Variants in ZCCHC14 observed in about 807,000 individuals in gnomAD.
ZCCHC14 encodes the protein zinc finger CCHC domain-containing protein 14.
A neutral mutation model predicts 85.0 loss-of-function variants in ZCCHC14; 16 were observed. That is an observed-to-expected ratio of 0.19 (90% CI 0.13 to 0.29). ZCCHC14 has a LOEUF of 0.29. Ranked by LOEUF, ZCCHC14 falls within the 10% of genes least tolerant of loss-of-function variation. The pLI is 1.00. For missense variants in ZCCHC14, 1,303 were observed against 1,443.5 expected, an observed-to-expected ratio of 0.90 and a Z score of 1.58; for synonymous variants, 775 against 630.7, an observed-to-expected ratio of 1.23 and a Z score of -3.43.
chr16:87,474,996 G>A (rs1166611203), intron 1 of ZCCHC14, among the ~76,000 whole-genome samples: 2 of 152,172 alleles, frequency 1.3e-5, no homozygotes, highest in Non-Finnish European at 2.9e-5. Context: ...AGGATAGAAC[G>A]AAGTCCAGAG....
intron 2 of ZCCHC14, among the ~76,000 whole-genome samples, chr16:87,455,293 C>T (rs9932994): frequency 2.7e-5 from 4 of 150,516 alleles, no homozygotes; most frequent in African/African-American, 9.7e-5. Flanking sequence ...CGTCCCCCCC[C>T]GCCCCCGCAA....
chr16:87,414,229 G>A (rs1363701685), intron 10 of ZCCHC14, among the ~76,000 whole-genome samples, 185 bp downstream of exon 10: 2 of 150,648 alleles, frequency 1.3e-5, no homozygotes, highest in Non-Finnish European at 2.9e-5. Context: ...TAACCCACCT[G>A]CCCGGCACAC....
rs193217080 is a variant in ZCCHC14, at chr16:87,428,948, C to T, written c.768+4180G>A. ...CATAACACCAGGGTTGGCCTGTCCA[C>T]GCGCCTGTGAACGGGTGTCTTCGTT... On this transcript the variant is annotated intron_variant, in intron 3 of 12. Transcript: ENST00000671377. 1.2e-4 allele frequency among the ~76,000 whole-genome samples: 19 copies of T among 152,362 alleles called. No individual in the cohort carries two copies. In the South Asian group the frequency reaches 3.1e-3, roughly 25 times the overall value.
At chr16:87,454,791 G>A (rs898351406) in intron 2 of ZCCHC14, among the ~76,000 whole-genome samples, 2 of 152,218 alleles carry the variant, frequency 1.3e-5, no homozygotes, top group Admixed American at 1.3e-4. Context: ...ACATGGTGCA[G>A]AGCACACGTA....
intron 2 of ZCCHC14, among the ~76,000 whole-genome samples, chr16:87,456,194 C>T (rs1246564407): frequency 1.3e-5 from 2 of 152,086 alleles, no homozygotes; most frequent in Non-Finnish European, 2.9e-5. Flanking sequence ...ACTGGAATCC[C>T]AGCACAACCC....
At chr16:87,454,951 C>T (rs1290073300) in intron 2 of ZCCHC14, among the ~76,000 whole-genome samples, 2 of 152,180 alleles carry the variant, frequency 1.3e-5, no homozygotes, top group Admixed American at 6.5e-5. Flanking sequence ...CCACGGCTGA[C>T]GACATGCCAC....
Position 87,449,420 on chromosome 16 carries a change from G to A in ZCCHC14, c.694+10588C>T, listed in dbSNP as rs79178356. Reference sequence around the variant, plus strand: ...GGGCACCATGGTTCCTGGGCTCCTAGGCCCTCCATCCATGATCACGAGGGA... The same window carrying A: ...GGGCACCATGGTTCCTGGGCTCCTAAGCCCTCCATCCATGATCACGAGGGA... On this transcript the variant is annotated intron_variant, in intron 2 of 12. Transcript: ENST00000671377. Among the ~76,000 whole-genome samples, 896 of 152,078 alleles carry A rather than the reference G, an allele frequency of 5.9e-3. 8 individuals are homozygous for A. Among genetic ancestry groups the A allele is most frequent in the African/African-American group, 0.02 (847 of 41,414 alleles).
Position 87,411,904 on chromosome 16 carries a change from C to T in ZCCHC14, c.2817G>A (p.Leu939=). ...GGAAGTAGTTGGCGTAGCTGACAGT[C>T]AGGCCACTCGAGCCGCAGCTGCCGC... ...GCSGSCGSSG[L]TVSYANYFQH... Residue 939 remains leucine (L), a synonymous_variant, in exon 12 of 13, where the codon CTG becomes CTA. Coordinates refer to ENST00000671377, the MANE Select transcript of ZCCHC14 (RefSeq NM_015144.3). 1 of 1,592,702 alleles carries T rather than the reference C, an allele frequency of 6.3e-7. No homozygotes were observed. The highest frequency in any genetic ancestry group is 8.5e-7 in the Non-Finnish European group (1 of 1,171,320).
intron 2 of ZCCHC14, among the ~76,000 whole-genome samples, chr16:87,433,789 A>G (rs1909779874): frequency 6.6e-6 from 1 of 151,918 alleles, no homozygotes; most frequent in Admixed American, 6.6e-5. Flanking sequence ...TTACAGGCGC[A>G]TGCACCACCG....
rs1908883805 is a variant in ZCCHC14 at position 87,417,974 on chromosome 16, A to G, written c.1101-232T>C. ...TGCATGTCTGTGCACACGTGTGCAT[A>G]CAGGCGGCTGTGCATATACACACAC... On this transcript the variant is annotated intron_variant, in intron 7 of 12. Transcript: ENST00000671377. The G allele has an allele frequency of 1.5e-5, 8 of 542,350 alleles. No individual in the cohort carries two copies. In the South Asian group the frequency reaches 2.5e-4, roughly 17 times the overall value. 33.6% of individuals were successfully genotyped at this position (542,350 alleles called of 1,614,324 possible). A position where few individuals can be genotyped will look rare whatever the true frequency, so the allele number is the denominator to read the frequency against.
In ZCCHC14 at chr16:87,420,790, A is replaced by G; in HGVS notation, c.841-74T>C. 1 of 1,316,950 alleles carries G rather than the reference A, an allele frequency of 7.6e-7. No individual in the cohort carries two copies. Among genetic ancestry groups the G allele is most frequent in the East Asian group, 2.6e-5 (1 of 38,794 alleles). 81.6% of individuals were successfully genotyped at this position (1,316,950 alleles called of 1,614,324 possible). ...CCAGCAGAATTCTGCTACTGCAGGA[A>G]AACCTGGGGCAGGTGCTCCATGGTG... On this transcript the variant is annotated intron_variant, in intron 4 of 12. Coordinates refer to ENST00000671377, the MANE Select transcript of ZCCHC14 (RefSeq NM_015144.3). The surrounding 1 kb of genome is among the most constrained non-coding windows in gnomAD (Gnocchi z 5.0).
intron 3 of ZCCHC14, among the ~76,000 whole-genome samples, chr16:87,425,367 A>G (rs542550019): frequency 1.6e-4 from 24 of 152,258 alleles, no homozygotes; most frequent in Admixed American, 1.4e-3. Context: ...ACCTGAGGTC[A>G]GGAGTTCAAG....
chr16:87,456,409 A>T (rs1910963714), intron 2 of ZCCHC14, among the ~76,000 whole-genome samples: 1 of 151,888 alleles, frequency 6.6e-6, no homozygotes, highest in South Asian at 2.1e-4. Context: ...CGGCACCTGT[A>T]GCCCCAGCAG....
Position 87,491,510 on chromosome 16 carries a change from G to A in ZCCHC14, c.570+159C>T, listed in dbSNP as rs1445082946. Among the ~76,000 whole-genome samples the A allele has an allele frequency of 6.6e-6, 1 of 151,938 alleles. No individual in the cohort carries two copies. The highest frequency in any genetic ancestry group is 1.5e-5 in the Non-Finnish European group (1 of 67,968). On this transcript the variant is annotated intron_variant, in intron 1 of 12. Transcript: ENST00000671377. The surrounding 1 kb of genome is among the most constrained non-coding windows in gnomAD (Gnocchi z 5.9). ...AGGCTTAGGATGGGGCTTGGGATAC[G>A]GGCTGGGGGCTCGTGGTGCAGGTTG...
chr16:87,460,187 A>T lies in ZCCHC14; in HGVS notation c.571-56T>A. The T allele has an allele frequency of 1.9e-6, 3 of 1,578,544 alleles. No individual in the cohort carries two copies. In the East Asian group the frequency reaches 6.8e-5, roughly 36 times the overall value. On this transcript the variant is annotated intron_variant, in intron 1 of 12. Transcript: ENST00000671377. Reference sequence around the variant, plus strand: ...TTCTCCCACGGAGTTAATAGGGGACAATTTTATTTGTTAATTAAGTCTTTC... The same window carrying T: ...TTCTCCCACGGAGTTAATAGGGGACTATTTTATTTGTTAATTAAGTCTTTC...
chr16:87,433,378 AC>A (rs1250908425), intron 2 of ZCCHC14, among the ~76,000 whole-genome samples, 177 bp from the exon 3 acceptor site: 2 of 152,200 alleles, frequency 1.3e-5, no homozygotes, highest in Non-Finnish European at 2.9e-5. Context: ...GGGCGGCAGC[AC>A]CAATGCAGGG....
In ZCCHC14 at chr16:87,417,718, G is replaced by C; in HGVS notation, c.1125C>G (p.Ile375Met). ...SGRPVCGVAG[I>M]PSSQSGAQHH... Reference sequence around the variant, plus strand: ...GCTGGGCTCCGCTCTGCGAGGACGGGATACCAGCCACTCCACACACAGGCC... The same window carrying C: ...GCTGGGCTCCGCTCTGCGAGGACGGCATACCAGCCACTCCACACACAGGCC... The change falls in exon 8 of 13, where the codon ATC (isoleucine) becomes ATG (methionine). Residue 375 changes from isoleucine (I) to methionine (M), a missense_variant. Ile to Met is a conservative substitution (Grantham distance 10, BLOSUM62 1). Around this residue, in one of 7 missense-constraint regions of ZCCHC14, gnomAD observed 389 missense variants for 397.8 expected, o/e 0.98. Transcript: ENST00000671377. 6.2e-7 allele frequency: 1 copy of C among 1,600,538 alleles called. No individual in the cohort carries two copies. The highest frequency in any genetic ancestry group is 8.5e-7 in the Non-Finnish European group (1 of 1,174,998).
At chr16:87,477,028 G>A (rs1363447090) in intron 1 of ZCCHC14, among the ~76,000 whole-genome samples, 2 of 150,610 alleles carry the variant, frequency 1.3e-5, no homozygotes, top group South Asian at 4.3e-4. Flanking sequence ...AGGAGGCTGA[G>A]GCGGGAGAAT....
At chr16:87,461,190 G>C (rs1484176734) in intron 1 of ZCCHC14, among the ~76,000 whole-genome samples, 2 of 152,248 alleles carry the variant, frequency 1.3e-5, no homozygotes, top group Non-Finnish European at 2.9e-5. Flanking sequence ...CCACGGGCTA[G>C]CCAGGCTCGT....
Sources: allele counts gnomAD v4.1 joint callset (sites outside exome capture counted in the v4.1 genomes callset), GRCh38; gene constraint gnomAD v4.1.1; regional missense constraint gnomAD v4.1.1; non-coding constraint Gnocchi (gnomAD v3.1); transcripts MANE v1.5; gene names NCBI Gene and HGNC (gene_info 2026-07-23, HGNC 2026-07-21).